Variants in EYS observed in about 807,000 individuals in gnomAD.
EYS encodes EGF-like photoreceptor maintenance factor.
EYS carries 250 observed loss-of-function variants against 282.1 expected under a neutral mutation model. That is an observed-to-expected ratio of 0.89 (90% CI 0.80 to 0.98). The LOEUF (loss-of-function observed/expected upper bound fraction) is 0.98, where lower values mean the gene tolerates loss of function less well. EYS is among the 50% of genes least tolerant of loss of function. The probability of loss-of-function intolerance (pLI) is 0.00; values close to 1 mark genes in which losing one functional copy is unlikely to be tolerated. For missense variants in EYS, 4,016 were observed against 3,709.0 expected, an observed-to-expected ratio of 1.08 and a Z score of -2.15; for synonymous variants, 1,355 against 1,282.9, an observed-to-expected ratio of 1.06 and a Z score of -1.20.
In EYS at chr6:64,107,405, T is replaced by A. The variant is rs184275362; in HGVS notation, c.6425-25403A>T. ...GAGGAGCAAGGAGAGCCAGTCCAAG[T>A]CCCAAAACTGAAGAACCTGGAGTCT... On this transcript the variant is annotated intron_variant, in intron 31 of 42. Transcript: ENST00000503581. Among the ~76,000 whole-genome samples the A allele has an allele frequency of 3.6e-3, 544 of 150,116 alleles. 7 individuals are homozygous for A. Among genetic ancestry groups the A allele is most frequent in the African/African-American group, 0.012 (509 of 40,866 alleles).
chr6:65,508,051 C>A (rs149444221), intron 2 of EYS, among the ~76,000 whole-genome samples: 1 of 152,042 alleles, frequency 6.6e-6, no homozygotes, highest in Non-Finnish European at 1.5e-5. Context: ...GATGAACAGG[C>A]CTCTAATGTG....
intron 26 of EYS, among the ~76,000 whole-genome samples, chr6:64,499,135 C>T (rs1419752250): frequency 6.6e-6 from 1 of 152,164 alleles, no homozygotes; most frequent in Non-Finnish European, 1.5e-5. Flanking sequence ...TATTTCCGGA[C>T]ATTTTAATGG....
chr6:63,945,394 G>A (rs1349135516), intron 35 of EYS, among the ~76,000 whole-genome samples: 6 of 152,080 alleles, frequency 3.9e-5, no homozygotes, highest in African/African-American at 1.4e-4. Flanking sequence ...ACAACACGTG[G>A]AGATTATGGG....
intron 2 of EYS, among the ~76,000 whole-genome samples, chr6:65,623,158 G>T (rs2149803315): frequency 6.6e-6 from 1 of 152,200 alleles, no homozygotes; most frequent in Non-Finnish European, 1.5e-5. Flanking sequence ...TGAGCTCTGG[G>T]CACACAAGCT....
intron 12 of EYS, among the ~76,000 whole-genome samples, chr6:65,165,979 T>A (rs62407234): frequency 3.4e-3 from 513 of 151,010 alleles, no homozygotes; most frequent in Non-Finnish European, 5.6e-3. Flanking sequence ...ATTAGCAACA[T>A]CTTCAAAAAT....
chr6:64,655,655 C>T (rs1482601328), intron 22 of EYS, among the ~76,000 whole-genome samples: 1 of 151,878 alleles, frequency 6.6e-6, no homozygotes, highest in East Asian at 1.9e-4. Context: ...ATAACCTGTT[C>T]TGAACAAATA....
intron 21 of EYS, among the ~76,000 whole-genome samples, chr6:64,821,252 T>C (rs1276389222): frequency 1.3e-5 from 2 of 151,994 alleles, no homozygotes; most frequent in Non-Finnish European, 2.9e-5. Context: ...GATATCTGAA[T>C]TAATTGAATC....
chr6:64,459,428 G>A (rs907814976), intron 26 of EYS, among the ~76,000 whole-genome samples: 1 of 152,124 alleles, frequency 6.6e-6, no homozygotes, highest in Non-Finnish European at 1.5e-5. Context: ...GAACTAATGG[G>A]ATATACTTAT....
At chr6:64,200,498 T>C (rs1410217132) in intron 31 of EYS, among the ~76,000 whole-genome samples, 2 of 152,130 alleles carry the variant, frequency 1.3e-5, no homozygotes, top group Non-Finnish European at 2.9e-5. Context: ...AATTCAAGTA[T>C]TGCATACTAG....
At chr6:64,253,033 T>G (rs1922967) in intron 30 of EYS, among the ~76,000 whole-genome samples, 47,492 of 151,890 alleles carry the variant, frequency 0.31, 7,438 homozygotes, top group East Asian at 0.51. Flanking sequence ...CATATCATGT[T>G]GAGAAGTTTG....
intron 35 of EYS, among the ~76,000 whole-genome samples, chr6:63,867,820 G>C (rs1772705146): frequency 6.6e-6 from 1 of 152,088 alleles, no homozygotes; most frequent in South Asian, 2.1e-4. Flanking sequence ...CTGAGATTCT[G>C]ATTTAGAATG....
intron 11 of EYS, chr6:65,332,434 G>T: frequency 1.4e-6 from 2 of 1,380,996 alleles, no homozygotes; most frequent in Non-Finnish European, 2.0e-6. Flanking sequence ...ATTAATTTGG[G>T]AAGAATTAAT....
chr6:64,060,353 C>G (rs1771123581), intron 33 of EYS, among the ~76,000 whole-genome samples: 1 of 151,974 alleles, frequency 6.6e-6, no homozygotes, highest in African/African-American at 2.4e-5. Context: ...TAGGTCAATA[C>G]CATCTGGTCA....
rs1766416713 is a variant in EYS, at chr6:64,591,711, CAG to C, written c.4154_4155del (p.Pro1385ArgfsTer2). 1.3e-6 allele frequency: 2 copies of C among 1,551,260 alleles called. No homozygotes were observed. The highest frequency in any genetic ancestry group is 3.9e-5 in the Admixed American group (2 of 50,970). ...ATAAATGGGGTCCTTGCTCTCCTAT[CAG>C]GAAAAAAGAAACCTAGTGTGGCTGC... is the stretch of plus-strand genomic sequence containing the variant. The part of the protein sequence containing the change: ...TSAATLGFFF[P>X]DRRARTPFIM... On this transcript the variant is annotated frameshift_variant, in exon 26 of 43. Transcript: ENST00000503581. LOFTEE classifies it high-confidence loss of function.
chr6:64,349,941 G>C (rs1046532955), intron 29 of EYS, among the ~76,000 whole-genome samples: 2 of 151,398 alleles, frequency 1.3e-5, no homozygotes, highest in Admixed American at 6.6e-5. Context: ...AAATGCTTCA[G>C]ATTTTTATTT....
intron 5 of EYS, among the ~76,000 whole-genome samples, chr6:65,482,251 T>A (rs899416576): frequency 2.0e-5 from 3 of 152,188 alleles, no homozygotes; most frequent in Non-Finnish European, 4.4e-5. Context: ...TAAAAATTAT[T>A]TACATTATTA....
rs1329484022 is a variant in EYS at position 65,012,804 on chromosome 6, G to C, written c.2138-15101C>G. Among the ~76,000 whole-genome samples, 5 of 94,918 alleles carry C rather than the reference G, an allele frequency of 5.3e-5. No individual in the cohort carries two copies. The East Asian group carries it at 1.4e-3, about 27-fold the overall frequency. 62.3% of individuals were successfully genotyped at this position (94,918 alleles called of 152,430 possible). A position where few individuals can be genotyped will look rare whatever the true frequency, so the allele number is the denominator to read the frequency against. On this transcript the variant is annotated intron_variant, in intron 13 of 42. Transcript: ENST00000503581. ...AGATGCTCAGGACTTCACTTTCCAAGTACAGCAAAAAAAAAAAAAAAATGA... is the reference window on the plus strand; with the variant it reads ...AGATGCTCAGGACTTCACTTTCCAACTACAGCAAAAAAAAAAAAAAAATGA...
intron 12 of EYS, among the ~76,000 whole-genome samples, chr6:65,058,841 A>C (rs893328961): frequency 1.4e-5 from 2 of 138,752 alleles, no homozygotes; most frequent in African/African-American, 4.9e-5. Flanking sequence ...TTTTCTTACC[A>C]ATTTATAACA....
At position 63,721,689 on chromosome 6, in the gene EYS, C is replaced by T. The variant is rs1561994287; in HGVS notation, c.8342G>A (p.Ser2781Asn). ...TCCTGCTTTTATTATATGCCAAGTA[C>T]TTCCGTTTATAGTTACTTTTTGGAG... ...ETLQKVTING[S>N]TWHIIKAGRV... The change falls in exon 43 of 43, where the codon AGT becomes AAT. Residue 2781 changes from serine to asparagine, a missense_variant. By Grantham distance (46) the Ser-to-Asn change is conservative (BLOSUM62 1). Coordinates refer to ENST00000503581, the MANE Select transcript of EYS (RefSeq NM_001142800.2). 1 of 1,551,410 alleles carries T rather than the reference C, an allele frequency of 6.4e-7. No homozygotes were observed. Among genetic ancestry groups the T allele is most frequent in the Non-Finnish European group, 8.7e-7 (1 of 1,146,758 alleles).
Sources: allele counts gnomAD v4.1 joint callset (sites outside exome capture counted in the v4.1 genomes callset), GRCh38; gene constraint gnomAD v4.1.1; transcripts MANE v1.5; gene names NCBI Gene and HGNC (gene_info 2026-07-23, HGNC 2026-07-21).